GSDME: variants seen among roughly 807,000 people sequenced by gnomAD.
GSDME encodes gasdermin E, also known as gasdermin-E.
A neutral mutation model predicts 47.5 loss-of-function variants in GSDME; 44 were observed. The observed-to-expected ratio is 0.93, with a 90% CI of 0.73 to 1.19. GSDME has a LOEUF of 1.19. Ranked by LOEUF, GSDME falls within the 50% of genes most tolerant of loss-of-function variation. The pLI, the probability that GSDME is intolerant of heterozygous loss-of-function variation, is 0.00. For synonymous variants in GSDME, 258 were observed against 252.8 expected (o/e 1.02, Z -0.20); for missense variants, 663 against 604.2 (o/e 1.10, Z -1.02).
intron 5 of GSDME, 98 bp from the exon 6 acceptor site, chr7:24,710,486 G>C (rs1399915804): frequency 8.6e-7 from 1 of 1,168,822 alleles, no homozygotes; most frequent in Non-Finnish European, 1.3e-6. Flanking sequence ...GCACATCTTA[G>C]ACGTAACTCA....
intron 9 of GSDME, 54 bp from the exon 10 acceptor site, chr7:24,699,313 A>C (rs1788766074): frequency 7.5e-7 from 1 of 1,328,898 alleles, no homozygotes; most frequent in Non-Finnish European, 1.1e-6. Context: ...AAAAATCCAC[A>C]TTGGATAGTA....
chr7:24,755,491 A>ACAT (rs1352086776), intron 1 of GSDME, among the ~76,000 whole-genome samples: 2 of 152,184 alleles, frequency 1.3e-5, no homozygotes, highest in Admixed American at 6.5e-5. Context: ...ATCACCTACT[A>ACAT]CATGCCCAAA....
intron 3 of GSDME, among the ~76,000 whole-genome samples, chr7:24,722,976 C>A (rs1469567543): frequency 6.6e-6 from 1 of 152,132 alleles, no homozygotes; most frequent in Non-Finnish European, 1.5e-5. Context: ...ATTCGGGTGA[C>A]CAGAAACGTG....
At chr7:24,734,377 C>T (rs1022805454) in intron 3 of GSDME, among the ~76,000 whole-genome samples, 1 of 152,184 alleles carries the variant, frequency 6.6e-6, no homozygotes, top group African/African-American at 2.4e-5. Context: ...TCTTCAAAGC[C>T]CAGATACTGA....
rs1476521 is a variant in GSDME at position 24,756,883 on chromosome 7, A to G, written c.-20+513T>C. 0.42 allele frequency among the ~76,000 whole-genome samples: 64,293 copies of G among 151,956 alleles called. 16,632 individuals carry two copies. The highest frequency in any genetic ancestry group is 0.74 in the African/African-American group (30,478 of 41,462). On this transcript the variant is annotated intron_variant, in intron 1 of 9. Transcript: ENST00000645220. The surrounding 1 kb of genome is among the most constrained non-coding windows in gnomAD (Gnocchi z 4.2). The stretch of plus-strand genomic sequence containing the variant: ...AGGAGCTCTCTAGATACCGGAGCAA[A>G]GTGGAGGGGGACTTTTTTCCGTCCA...
chr7:24,763,745 T>C, the GSDME span, among the ~76,000 whole-genome samples: 1 of 152,190 alleles, frequency 6.6e-6, no homozygotes, highest in African/African-American at 2.4e-5. The surrounding 1 kb of genome is among the most constrained non-coding windows in gnomAD (Gnocchi z 4.3). Context: ...GAGTCTCTCC[T>C]AATTGCAAGA....
In GSDME at chr7:24,732,083, G is replaced by A. The variant is rs909557718; in HGVS notation, c.404+12479C>T. 5.3e-5 allele frequency among the ~76,000 whole-genome samples: 8 copies of A among 152,164 alleles called. No homozygotes were observed. Among genetic ancestry groups the A allele is most frequent in the Non-Finnish European group, 7.4e-5 (5 of 68,026 alleles). Reference sequence around the variant, plus strand: ...CACCTGCCCTGGAAGGAGAAACACAGCAAAAAGAGAATCAGCGACAGGACC... The same window carrying A: ...CACCTGCCCTGGAAGGAGAAACACAACAAAAAGAGAATCAGCGACAGGACC... On this transcript the variant is annotated intron_variant, in intron 3 of 9. Coordinates refer to ENST00000645220, the MANE Select transcript of GSDME (RefSeq NM_001127453.2). This position sits in a 1 kb window ranked among gnomAD's most constrained non-coding sequence, Gnocchi z 4.8.
chr7:24,753,684 G>C (rs1790927932), intron 1 of GSDME, among the ~76,000 whole-genome samples: 1 of 152,172 alleles, frequency 6.6e-6, no homozygotes. Context: ...GTGAGAAATG[G>C]AATCTCAGCC....
Position 24,711,815 on chromosome 7 carries a change from CAA to C in GSDME, c.698-1429_698-1428del, listed in dbSNP as rs35002301. 5.4e-3 allele frequency among the ~76,000 whole-genome samples: 524 copies of C among 97,020 alleles called. 7 individuals are homozygous for C. Among genetic ancestry groups the C allele is most frequent in the African/African-American group, 0.017 (462 of 27,008 alleles). 63.6% of individuals were successfully genotyped at this position (97,020 alleles called of 152,430 possible). ...GGGCAATAGAGCAAGACCTTGTCTCCAAAAAAAAAAAAAAAAAAGGCAAAGAA... is the reference window on the plus strand; with the variant it reads ...GGGCAATAGAGCAAGACCTTGTCTCCAAAAAAAAAAAAAAAAGGCAAAGAA... On this transcript the variant is annotated intron_variant, in intron 5 of 9. Coordinates refer to ENST00000645220, the MANE Select transcript of GSDME (RefSeq NM_001127453.2).
At chr7:24,773,663 T>C in the GSDME span, among the ~76,000 whole-genome samples, 1 of 152,214 alleles carries the variant, frequency 6.6e-6, no homozygotes, top group Non-Finnish European at 1.5e-5. The surrounding 1 kb of genome is among the most constrained non-coding windows in gnomAD (Gnocchi z 5.4). Context: ...TAAGAGCCTG[T>C]GTCTTCTAAA....
At chr7:24,713,353 T>C (rs1195575944) in intron 5 of GSDME, among the ~76,000 whole-genome samples, 1 of 152,192 alleles carries the variant, frequency 6.6e-6, no homozygotes, top group Non-Finnish European at 1.5e-5. Context: ...TCAGAGGTTT[T>C]ATGACCTGCT....
Position 24,714,640 on chromosome 7 carries a change from C to G in GSDME, c.697+2614G>C, listed in dbSNP as rs567757698. ...AGTTTATTTTCAAAGACAGTGGAAG[C>G]TGGAAAAGATAAAAGCCTTGAAATT... On this transcript the variant is annotated intron_variant, in intron 5 of 9. Coordinates refer to ENST00000645220, the MANE Select transcript of GSDME (RefSeq NM_001127453.2). The surrounding 1 kb of genome is among the most constrained non-coding windows in gnomAD (Gnocchi z 5.0). Among the ~76,000 whole-genome samples, 17 of 152,264 alleles carry G rather than the reference C, an allele frequency of 1.1e-4. No individual in the cohort carries two copies. Among genetic ancestry groups the G allele is most frequent in the African/African-American group, 3.9e-4 (16 of 41,542 alleles).
chr7:24,787,482 T>C, the GSDME span, among the ~76,000 whole-genome samples: 1 of 152,294 alleles, frequency 6.6e-6, no homozygotes, highest in Admixed American at 6.5e-5. The surrounding 1 kb of genome is among the most constrained non-coding windows in gnomAD (Gnocchi z 5.0). Flanking sequence ...CGGGACTTGG[T>C]GGTAGTGGTG....
the GSDME span, among the ~76,000 whole-genome samples, chr7:24,794,105 T>C: frequency 2.0e-5 from 3 of 152,258 alleles, no homozygotes; most frequent in Admixed American, 2.0e-4. Flanking sequence ...TTTAAAGGAA[T>C]AGTGTACACT....
At position 24,732,269 on chromosome 7, in the gene GSDME, TAGGA is replaced by T. The variant is rs1790170306; in HGVS notation, c.404+12289_404+12292del. Among the ~76,000 whole-genome samples the T allele has an allele frequency of 6.6e-6, 1 of 152,166 alleles. No homozygotes were observed. The highest frequency in any genetic ancestry group is 2.4e-5 in the African/African-American group (1 of 41,434). On this transcript the variant is annotated intron_variant, in intron 3 of 9. Coordinates refer to ENST00000645220, the MANE Select transcript of GSDME (RefSeq NM_001127453.2). The surrounding 1 kb of genome is among the most constrained non-coding windows in gnomAD (Gnocchi z 4.8). Reference sequence around the variant, plus strand: ...GGTAGCCATTGGGAAATTGATCAGGTAGGAAGGAAGCCCAGTTCAAACTTTGTTT... The same window carrying T: ...GGTAGCCATTGGGAAATTGATCAGGTAGGAAGCCCAGTTCAAACTTTGTTT...
chr7:24,709,880 G>A (rs187531676), intron 6 of GSDME, among the ~76,000 whole-genome samples: 2 of 152,074 alleles, frequency 1.3e-5, no homozygotes, highest in Admixed American at 6.5e-5. Context: ...CTCCATCCTC[G>A]CGGCTGATGA....
At position 24,744,420 on chromosome 7, in the gene GSDME, T is replaced by G; in HGVS notation, c.404+142A>C. ...TCCAGACTAAAGAATGTGCTCCTCATGAAATTTCAACACAAGCGCATTCAA... is the reference window on the plus strand; with the variant it reads ...TCCAGACTAAAGAATGTGCTCCTCAGGAAATTTCAACACAAGCGCATTCAA... On this transcript the variant is annotated intron_variant, in intron 3 of 9. Transcript: ENST00000645220. The surrounding 1 kb of genome is among the most constrained non-coding windows in gnomAD (Gnocchi z 4.5). 2.1e-6 allele frequency: 2 copies of G among 960,034 alleles called. No homozygotes were observed. The highest frequency in any genetic ancestry group is 3.3e-6 in the Non-Finnish European group (2 of 608,042). 59.5% of individuals were successfully genotyped at this position (960,034 alleles called of 1,614,324 possible).
chr7:24,710,895 T>G, intron 5 of GSDME, among the ~76,000 whole-genome samples: 1 of 152,342 alleles, frequency 6.6e-6, no homozygotes, highest in Middle Eastern at 3.4e-3. Context: ...TCTGCAGTTA[T>G]ATGAATGAAT....
At chr7:24,791,186 G>T in the GSDME span, among the ~76,000 whole-genome samples, 6 of 152,058 alleles carry the variant, frequency 3.9e-5, no homozygotes, top group African/African-American at 1.4e-4. The surrounding 1 kb of genome is among the most constrained non-coding windows in gnomAD (Gnocchi z 4.8). Context: ...CACAGTCTGG[G>T]GTCCTTTTCA....
Sources: allele counts gnomAD v4.1 joint callset (sites outside exome capture counted in the v4.1 genomes callset), GRCh38; gene constraint gnomAD v4.1.1; non-coding constraint Gnocchi (gnomAD v3.1); transcripts MANE v1.5; gene names NCBI Gene and HGNC (gene_info 2026-07-23, HGNC 2026-07-21).